DENND3: variants seen among roughly 807,000 people sequenced by gnomAD.
The protein encoded by DENND3 is DENN domain-containing protein 3.
DENND3 carries 88 observed loss-of-function variants against 135.1 expected under a neutral mutation model. That is an observed-to-expected ratio of 0.65 (90% CI 0.55 to 0.78). The LOEUF (loss-of-function observed/expected upper bound fraction) is 0.78. Ranked by LOEUF, DENND3 falls within the 30% of genes least tolerant of loss-of-function variation. The pLI, the probability that DENND3 is intolerant of heterozygous loss-of-function variation, is 0.00. For missense variants in DENND3, 1,392 were observed against 1,688.4 expected (o/e 0.82, Z 3.08); for synonymous variants, 693 against 712.3 (o/e 0.97, Z 0.43).
intron 20 of DENND3, chr8:141,190,619 C>T (rs1824592966): frequency 1.4e-6 from 1 of 710,906 alleles, no homozygotes; most frequent in African/African-American, 1.8e-5. Context: ...CCTCCCTCTG[C>T]CTTTCTACCC....
At chr8:141,149,490 A>G (rs1818529711) in intron 5 of DENND3, among the ~76,000 whole-genome samples, 1 of 152,260 alleles carries the variant, frequency 6.6e-6, no homozygotes, top group Non-Finnish European at 1.5e-5. Context: ...AGCTGTACAC[A>G]CATTTAAGAA....
In DENND3 at chr8:141,136,670, A is replaced by T; in HGVS notation, c.264A>T (p.Arg88Ser). The stretch of plus-strand genomic sequence containing the variant: ...GGATGCGCTCCTTGAGAAAGAAGAG[A>T]GAGAAGCCCAGACCAGAGCAGTGGA... ...KTRMRSLRKK[R>S]EKPRPEQWKG... Residue 88 changes from arginine to serine, a missense_variant, in exon 2 of 23, where the codon AGA (arginine) becomes AGT (serine). Transcript: ENST00000519811. 1 of 1,613,314 alleles carries T rather than the reference A, an allele frequency of 6.2e-7. No individual in the cohort carries two copies. The highest frequency in any genetic ancestry group is 8.5e-7 in the Non-Finnish European group (1 of 1,179,756).
intron 13 of DENND3, among the ~76,000 whole-genome samples, chr8:141,172,918 A>T (rs910991737): frequency 6.7e-5 from 9 of 134,240 alleles, no homozygotes; most frequent in East Asian, 2.0e-4. Context: ...CTCTAAATTT[A>T]AAAAAAAAAA....
Position 141,174,448 on chromosome 8 carries a change from G to A in DENND3, c.2276-752G>A, listed in dbSNP as rs1822060655. On this transcript the variant is annotated intron_variant, in intron 13 of 22. Transcript: ENST00000519811. This position sits in a 1 kb window ranked among gnomAD's most constrained non-coding sequence, Gnocchi z 4.6. The stretch of plus-strand genomic sequence containing the variant: ...CCGAGCAGGCAGGCTAGGGGCTTGA[G>A]TTGGCAGGACCTGCCGGCAGGGACT... Among the ~76,000 whole-genome samples, 1 of 152,166 alleles carries A rather than the reference G, an allele frequency of 6.6e-6. No homozygotes were observed. Among genetic ancestry groups the A allele is most frequent in the African/African-American group, 2.4e-5 (1 of 41,442 alleles).
Position 141,130,386 on chromosome 8 carries a change from A to G in DENND3, c.102+1577A>G, listed in dbSNP as rs1393851194. Among the ~76,000 whole-genome samples, 1 of 151,926 alleles carries G rather than the reference A, an allele frequency of 6.6e-6. No homozygotes were observed. Among genetic ancestry groups the G allele is most frequent in the Non-Finnish European group, 1.5e-5 (1 of 67,984 alleles). On this transcript the variant is annotated intron_variant, in intron 1 of 22. Transcript: ENST00000519811. The surrounding 1 kb of genome is among the most constrained non-coding windows in gnomAD (Gnocchi z 4.2). ...CGCCTGGCCAGTGGTGCATTCCTGA[A>G]CTAAACACGCTGCAACATTTTCATG...
chr8:141,188,874 A>G lies in DENND3; in HGVS notation c.3085-112A>G. On this transcript the variant is annotated intron_variant, in intron 18 of 22. Transcript: ENST00000519811. ...AGGACCCTGAGCCGGCGTGTCCCCT[A>G]GGAGCAGTGGTTCCATATCCGCTAA... The G allele has an allele frequency of 2.9e-6, 4 of 1,402,450 alleles. No individual in the cohort carries two copies. In the South Asian group the frequency reaches 5.8e-5, roughly 21 times the overall value. The allele number at this position is 1,402,450 out of a possible 1,614,324, so 86.9% of individuals were successfully genotyped here.
At chr8:141,129,570 G>C (rs1815684956) in intron 1 of DENND3, 1 of 152,176 alleles carries the variant, frequency 6.6e-6, no homozygotes, top group Non-Finnish European at 1.5e-5. Context: ...GCTTTCCCTG[G>C]AATCCATCTG....
chr8:141,149,893 C>T (rs1420225044), intron 5 of DENND3, among the ~76,000 whole-genome samples: 2 of 152,206 alleles, frequency 1.3e-5, no homozygotes, highest in South Asian at 2.1e-4. Context: ...TTCAGTTTCT[C>T]GTGTGCAGGC....
chr8:141,153,328 AAGTG>A (rs1819038902), intron 7 of DENND3, among the ~76,000 whole-genome samples: 1 of 152,130 alleles, frequency 6.6e-6, no homozygotes, highest in Non-Finnish European at 1.5e-5. Context: ...TCCTGGCCTC[AAGTG>A]ATCCGCCCAC....
intron 1 of DENND3, chr8:141,129,954 C>A (rs1009831702): frequency 1.3e-5 from 2 of 152,256 alleles, no homozygotes; most frequent in African/African-American, 2.4e-5. Context: ...CCTTCAACGC[C>A]CTGTCATGTC....
Position 141,136,565 on chromosome 8 carries a change from G to A in DENND3, c.159G>A (p.Leu53=), listed in dbSNP as rs373849337. ...CTGCTCTTCTTGATCCAGAGGTCCT[G>A]TCCATTTTCGTGCCTCCTTTTATCA... ...HLSALLDPEV[L]SIFVPPFISK... The change falls in exon 2 of 23, where the codon CTG becomes CTA. Residue 53 remains leucine, a synonymous_variant. Transcript: ENST00000519811. The A allele has an allele frequency of 1.7e-4, 261 of 1,565,008 alleles. 3 individuals carry two copies. The South Asian group carries it at 2.9e-3, about 18-fold the overall frequency.
intron 4 of DENND3, chr8:141,142,266 TAC>T: frequency 4.7e-6 from 2 of 423,904 alleles, no homozygotes; most frequent in Non-Finnish European, 9.5e-6. Flanking sequence ...CTCATAAAGT[TAC>T]AGTCTGAGAA....
rs751870678 is a variant in DENND3 at position 141,155,840 on chromosome 8, G to C, written c.1075-9G>C. On this transcript the variant is annotated splice_polypyrimidine_tract_variant and intron_variant, in intron 7 of 22. Coordinates refer to ENST00000519811, the MANE Select transcript of DENND3 (RefSeq NM_001352890.3). ...TATCAATCTTTACAGATGATTCCTT[G>C]TTTTCTAGGAAGCCGACGGTTTAGT... 14 of 1,579,226 alleles carry C rather than the reference G, an allele frequency of 8.9e-6. No homozygotes were observed. In the African/African-American group the frequency reaches 1.6e-4, roughly 18 times the overall value.
chr8:141,163,678 C>T (rs1195558929), intron 10 of DENND3, among the ~76,000 whole-genome samples: 1 of 151,910 alleles, frequency 6.6e-6, no homozygotes. Context: ...GAGGCCGAGG[C>T]GGGCAGATCA....
rs771106707 is a variant in DENND3 at position 141,165,224 on chromosome 8, C to T, written c.1488C>T (p.Ala496=). The T allele has an allele frequency of 1.9e-6, 3 of 1,614,168 alleles. No homozygotes were observed. Among genetic ancestry groups the T allele is most frequent in the South Asian group, 1.1e-5 (1 of 91,080 alleles). Residue 496 remains alanine (A), a synonymous_variant, in exon 11 of 23, where the codon GCC becomes GCT. Coordinates refer to ENST00000519811, the MANE Select transcript of DENND3 (RefSeq NM_001352890.3). ...DTYMFHSFLK[A]RLNRRMDAFA... ...ACATGTTCCATTCTTTTCTTAAAGC[C>T]CGGCTCAATAGGAGGATGGACGCCT...
At position 141,128,927 on chromosome 8, in the gene DENND3, C is replaced by G. The variant is rs1044826823; in HGVS notation, c.102+118C>G. On this transcript the variant is annotated intron_variant, in intron 1 of 22. Coordinates refer to ENST00000519811, the MANE Select transcript of DENND3 (RefSeq NM_001352890.3). This position sits in a 1 kb window ranked among gnomAD's most constrained non-coding sequence, Gnocchi z 4.5. ...GCGCGGACTTTCCGAGGGCTGAGTC[C>G]CGGTCCCCCGGCGGTGACCCCGCGC... is the stretch of plus-strand genomic sequence containing the variant. 9.2e-6 allele frequency: 7 copies of G among 764,406 alleles called. No individual in the cohort carries two copies. Among genetic ancestry groups the G allele is most frequent in the Non-Finnish European group, 1.3e-5 (7 of 542,158 alleles). The allele number at this position is 764,406 out of a possible 1,614,324, so 47.4% of individuals were successfully genotyped here. A position where few individuals can be genotyped will look rare whatever the true frequency, so the allele number is the denominator to read the frequency against.
chr8:141,141,425 C>A lies in DENND3; in HGVS notation c.623+101C>A. The A allele has an allele frequency of 7.2e-7, 1 of 1,395,736 alleles. No individual in the cohort carries two copies. The highest frequency in any genetic ancestry group is 9.8e-7 in the Non-Finnish European group (1 of 1,017,464). 86.5% of individuals were successfully genotyped at this position (1,395,736 alleles called of 1,614,324 possible). A position where few individuals can be genotyped will look rare whatever the true frequency, so the allele number is the denominator to read the frequency against. ...GGGGCTGGAGGTGGTGGGGGGGCAGCTCTCTGTTCCTCTCCTGGTGAGCCG... is the reference window on the plus strand; with the variant it reads ...GGGGCTGGAGGTGGTGGGGGGGCAGATCTCTGTTCCTCTCCTGGTGAGCCG... On this transcript the variant is annotated intron_variant, in intron 4 of 22. Coordinates refer to ENST00000519811, the MANE Select transcript of DENND3 (RefSeq NM_001352890.3). This position sits in a 1 kb window ranked among gnomAD's most constrained non-coding sequence, Gnocchi z 5.3.
chr8:141,141,521 G>A lies in DENND3; in HGVS notation c.623+197G>A. ...TCTTAGGCTGTTGCTTAAGGCTGGG[G>A]GCAGTGGGCAGGGGGTGTGGCAGCG... On this transcript the variant is annotated intron_variant, in intron 4 of 22. Coordinates refer to ENST00000519811, the MANE Select transcript of DENND3 (RefSeq NM_001352890.3). The surrounding 1 kb of genome is among the most constrained non-coding windows in gnomAD (Gnocchi z 5.3). The A allele has an allele frequency of 1.6e-6, 1 of 620,870 alleles. No individual in the cohort carries two copies. Among genetic ancestry groups the A allele is most frequent in the Non-Finnish European group, 2.8e-6 (1 of 362,280 alleles). The allele number at this position is 620,870 out of a possible 1,614,324, so 38.5% of individuals were successfully genotyped here.
chr8:141,182,176 G>A lies in DENND3; in HGVS notation c.2944+1322G>A. On this transcript the variant is annotated intron_variant, in intron 17 of 22. Coordinates refer to ENST00000519811, the MANE Select transcript of DENND3 (RefSeq NM_001352890.3). This position sits in a 1 kb window ranked among gnomAD's most constrained non-coding sequence, Gnocchi z 5.9. ...AGCCGTAGGTGTCAGGGATGCAGAT[G>A]TAGGTGTCACCCCCTCTCACAGGCC... 3.4e-6 allele frequency: 1 copy of A among 295,988 alleles called. No individual in the cohort carries two copies. Among genetic ancestry groups the A allele is most frequent in the Non-Finnish European group, 5.0e-6 (1 of 199,512 alleles). The allele number at this position is 295,988 out of a possible 1,614,324, so 18.3% of individuals were successfully genotyped here.
Sources: allele counts gnomAD v4.1 joint callset (sites outside exome capture counted in the v4.1 genomes callset), GRCh38; gene constraint gnomAD v4.1.1; non-coding constraint Gnocchi (gnomAD v3.1); transcripts MANE v1.5; gene names NCBI Gene and HGNC (gene_info 2026-07-23, HGNC 2026-07-21).